The following MYOF variants were observed in gnomAD, a reference collection of about 807,000 sequenced individuals.
The protein encoded by MYOF is fer-1-like 3, myoferlin.
A neutral mutation model predicts 284.2 loss-of-function variants in MYOF; 244 were observed. That is an observed-to-expected ratio of 0.86 (90% CI 0.77 to 0.95). The LOEUF is 0.95. Among genes scored for constraint, MYOF ranks in the 40% least tolerant of loss-of-function variants. The pLI is 0.00. For missense variants in MYOF, 2,496 were observed against 2,560.6 expected (o/e 0.97, Z 0.54); for synonymous variants, 904 against 919.7 (o/e 0.98, Z 0.31).
intron 37 of MYOF, among the ~76,000 whole-genome samples, chr10:93,347,270 C>T (rs960995573): frequency 7.9e-5 from 12 of 152,230 alleles, no homozygotes; most frequent in African/African-American, 2.2e-4. Flanking sequence ...AGTCCCCAGA[C>T]GGCCGGGCGC....
chr10:93,310,076 A>G lies in MYOF; in HGVS notation c.6091T>C (p.Leu2031=), dbSNP rs979207523. ...AGCAGCAGGATAAGCAGGAACAGCA[A>G]GCCGATGATGACCCACTTAAAGCGG... ...WRRFKWVIIG[L]LFLLILLLFV... The change falls in exon 53 of 54, where the codon TTG becomes CTG. Residue 2031 remains leucine (L), a synonymous_variant. Coordinates refer to ENST00000359263, the MANE Select transcript of MYOF (RefSeq NM_013451.4). 9 of 1,614,042 alleles carry G rather than the reference A, an allele frequency of 5.6e-6. No individual in the cohort carries two copies. The African/African-American group carries it at 1.2e-4, about 22-fold the overall frequency.
chr10:93,386,319 C>A (rs1846362528), intron 19 of MYOF, among the ~76,000 whole-genome samples: 1 of 152,136 alleles, frequency 6.6e-6, no homozygotes. Context: ...TCCTCAAGAT[C>A]TATTGCAATT....
chr10:93,432,828 G>C (rs1848934136), intron 3 of MYOF, among the ~76,000 whole-genome samples: 1 of 152,110 alleles, frequency 6.6e-6, no homozygotes, highest in Non-Finnish European at 1.5e-5. Flanking sequence ...CTCTAACACA[G>C]TACCAGATTA....
chr10:93,379,765 T>A, intron 21 of MYOF, 98 bp downstream of exon 21: 1 of 1,459,984 alleles, frequency 6.8e-7, no homozygotes, highest in Non-Finnish European at 9.4e-7. Context: ...TTGATCACTG[T>A]ACTAAGCACT....
rs1448216821 is a variant in MYOF, at chr10:93,306,919, T to G, written c.*44A>C. On this transcript the variant is annotated 3_prime_UTR_variant, in exon 54 of 54. Transcript: ENST00000359263. ...GGATGTTGGTCTACAGAGGCAGGAT[T>G]CTCTCATTGCTGGATGACTCTTGAA... 1 of 1,593,392 alleles carries G rather than the reference T, an allele frequency of 6.3e-7. No homozygotes were observed. The highest frequency in any genetic ancestry group is 8.6e-7 in the Non-Finnish European group (1 of 1,161,866).
intron 12 of MYOF, 51 bp from the exon 13 acceptor site, chr10:93,399,546 T>C (rs554513702): frequency 1.4e-6 from 2 of 1,439,062 alleles, no homozygotes; most frequent in Admixed American, 2.0e-5. Context: ...CCCAGAAATT[T>C]GGCAAAATTT....
In MYOF at chr10:93,364,069, C is replaced by T. The variant is rs754740316; in HGVS notation, c.2760G>A (p.Leu920=). ...CCGTGTGACCTGCATCTGCCTCAGT[C>T]AGCAAGCTGTGGGGCGGGGAGGGCT... The part of the protein sequence containing the change: ...EWIVDPERSL[L]TEADAGHTEF... The change falls in exon 27 of 54, where the codon CTG becomes CTA. Residue 920 remains leucine (L), a synonymous_variant. Coordinates refer to ENST00000359263, the MANE Select transcript of MYOF (RefSeq NM_013451.4). 14 of 1,613,932 alleles carry T rather than the reference C, an allele frequency of 8.7e-6. No homozygotes were observed. The South Asian group carries it at 1.5e-4, about 18-fold the overall frequency.
At chr10:93,360,117 C>G (rs1197060694) in intron 28 of MYOF, 139 bp from the exon 29 acceptor site, 1 of 1,079,416 alleles carries the variant, frequency 9.3e-7, no homozygotes, top group Non-Finnish European at 1.4e-6. Flanking sequence ...GCTGTTTTCA[C>G]TTTGCTGGGT....
intron 1 of MYOF, among the ~76,000 whole-genome samples, chr10:93,474,083 C>T (rs1220743441): frequency 6.6e-6 from 1 of 152,070 alleles, no homozygotes; most frequent in Non-Finnish European, 1.5e-5. Flanking sequence ...GCCAAATTTG[C>T]CTGTCCAGTG....
At chr10:93,412,209 C>T (rs988715642) in intron 5 of MYOF, among the ~76,000 whole-genome samples, 1 of 152,214 alleles carries the variant, frequency 6.6e-6, no homozygotes, top group Admixed American at 6.5e-5. Flanking sequence ...CACTGCCTCT[C>T]TGGTATAAAA....
intron 3 of MYOF, among the ~76,000 whole-genome samples, chr10:93,449,224 GA>G (rs1166613786): frequency 6.6e-6 from 1 of 152,192 alleles, no homozygotes; most frequent in Non-Finnish European, 1.5e-5. Context: ...CAAACACATT[GA>G]TTACATGTTG....
rs753792865 is a variant in MYOF at position 93,356,768 on chromosome 10, A to G, written c.3201T>C (p.Ser1067=). The G allele has an allele frequency of 1.2e-6, 2 of 1,614,036 alleles. No individual in the cohort carries two copies. Among genetic ancestry groups the G allele is most frequent in the African/African-American group, 2.7e-5 (2 of 74,928 alleles). The change falls in exon 30 of 54, where the codon AGT becomes AGC. Residue 1067 remains serine, a synonymous_variant. Transcript: ENST00000359263. ...IGWKFHWKQR[S]SDTFRRRRWR... ...AGCGTCTGCGGCGGAAGGTATCTGAACTACGTTGTTTCCAGTGAAATTTCC... is the reference window on the plus strand; with the variant it reads ...AGCGTCTGCGGCGGAAGGTATCTGAGCTACGTTGTTTCCAGTGAAATTTCC...
intron 17 of MYOF, among the ~76,000 whole-genome samples, chr10:93,389,989 C>T (rs1420838381): frequency 1.3e-5 from 2 of 152,184 alleles, no homozygotes; most frequent in Non-Finnish European, 2.9e-5. Flanking sequence ...GCAGAACTTT[C>T]TGTGAATTCG....
intron 19 of MYOF, among the ~76,000 whole-genome samples, chr10:93,382,883 C>T (rs912803355): frequency 7.9e-5 from 12 of 152,110 alleles, no homozygotes; most frequent in African/African-American, 2.9e-4. Flanking sequence ...TGGGTATATA[C>T]CCAGAAGTGG....
chr10:93,307,186 G>GCACC (rs1554833953), intron 53 of MYOF, among the ~76,000 whole-genome samples, 185 bp from the exon 54 acceptor site: 1 of 108,208 alleles, frequency 9.2e-6, no homozygotes, highest in Non-Finnish European at 2.3e-5. Context: ...AGTGCCAGTA[G>GCACC]CACCCCCCCG....
chr10:93,373,834 G>A (rs1351913910), intron 23 of MYOF, among the ~76,000 whole-genome samples: 1 of 152,122 alleles, frequency 6.6e-6, no homozygotes, highest in Non-Finnish European at 1.5e-5. Flanking sequence ...CTTACTGTAT[G>A]CCCTCAACTG....
chr10:93,353,314 G>A (rs114068332), intron 32 of MYOF, among the ~76,000 whole-genome samples: 2,113 of 152,266 alleles, frequency 0.014, 55 homozygotes, highest in African/African-American at 0.048. Context: ...AGAAGAAAAA[G>A]CCTCATGGTT....
At chr10:93,472,333 G>A (rs549273207) in intron 1 of MYOF, among the ~76,000 whole-genome samples, 7 of 152,318 alleles carry the variant, frequency 4.6e-5, no homozygotes, top group Admixed American at 1.3e-4. Context: ...GCAAAATGGT[G>A]CAGGATCTAT....
chr10:93,428,609 AC>A (rs1848702487), intron 4 of MYOF, among the ~76,000 whole-genome samples: 25 of 133,354 alleles, frequency 1.9e-4, no homozygotes, highest in African/African-American at 6.9e-4. Flanking sequence ...ACACACACAC[AC>A]AGTGCATTGC....
Sources: gnomAD v4.1 joint callset for allele counts (sites outside exome capture counted in the v4.1 genomes callset) on GRCh38, gnomAD v4.1.1 for gene constraint, MANE v1.5 for transcripts, NCBI Gene and HGNC (gene_info 2026-07-23, HGNC 2026-07-21) for gene names.